Variants in DPP10 observed in about 807,000 individuals in gnomAD.
The protein encoded by DPP10 is inactive dipeptidyl peptidase 10.
Under a neutral mutation model 120.9 loss-of-function variants are expected in DPP10, and 33 were observed. The ratio of observed to expected loss-of-function variants is 0.27; its 90% CI spans 0.21 to 0.37. DPP10 has a LOEUF of 0.37. Among genes scored for constraint, DPP10 ranks in the 10% least tolerant of loss-of-function variants. DPP10 has a pLI of 1.00. For synonymous variants in DPP10, 337 were observed against 326.1 expected, an observed-to-expected ratio of 1.03 and a Z score of -0.36; for missense variants, 816 against 942.8, an observed-to-expected ratio of 0.87 and a Z score of 1.76.
chr2:115,292,316 ACT>A (rs1043282221), intron 1 of DPP10, among the ~76,000 whole-genome samples: 50 of 152,118 alleles, frequency 3.3e-4, no homozygotes, highest in African/African-American at 1.1e-3. Context: ...CATAGTCTAA[ACT>A]CTTTTGATTT....
chr2:115,171,723 AAAAAAC>A (rs1197688843), intron 1 of DPP10, among the ~76,000 whole-genome samples: 3 of 151,882 alleles, frequency 2.0e-5, no homozygotes, highest in African/African-American at 7.3e-5. Context: ...CCTTAAAAAA[AAAAAAC>A]AAAAAAAAAA....
Position 114,780,387 on chromosome 2 carries a change from A to G in DPP10, c.60+337549A>G, listed in dbSNP as rs1682213279. On this transcript the variant is annotated intron_variant, in intron 1 of 25. Transcript: ENST00000410059. ...ATCTTTATATTCTTTGGAAAATCTA[A>G]AAGACTTACAGTTAGTCAAAGTAAG... is the stretch of plus-strand genomic sequence containing the variant. Among the ~76,000 whole-genome samples, 6 of 152,114 alleles carry G rather than the reference A, an allele frequency of 3.9e-5. No individual in the cohort carries two copies. The South Asian group carries it at 1.2e-3, about 32-fold the overall frequency.
intron 1 of DPP10, among the ~76,000 whole-genome samples, chr2:114,610,366 A>G (rs1693185594): frequency 6.6e-6 from 1 of 152,158 alleles, no homozygotes; most frequent in African/African-American, 2.4e-5. Context: ...GGGAACGGAT[A>G]TCCTAATGTG....
intron 9 of DPP10, among the ~76,000 whole-genome samples, chr2:115,744,062 A>G (rs1677636127): frequency 6.6e-6 from 1 of 150,728 alleles, no homozygotes; most frequent in Non-Finnish European, 1.5e-5. Flanking sequence ...ATAAAGGTCA[A>G]TGTTTTATTA....
At chr2:115,791,041 A>T (rs1271946867) in intron 17 of DPP10, 40 bp from the exon 18 acceptor site, 1 of 1,451,874 alleles carries the variant, frequency 6.9e-7, no homozygotes, top group Non-Finnish European at 9.6e-7. Context: ...TGTTTAATGC[A>T]TAGGGGTTAG....
chr2:114,629,553 G>A (rs1368961693), intron 1 of DPP10, among the ~76,000 whole-genome samples: 2 of 152,074 alleles, frequency 1.3e-5, no homozygotes, highest in Admixed American at 1.3e-4. Context: ...TTAATAATAA[G>A]ATAAATATAA....
At chr2:115,158,935 G>T (rs1345428168) in intron 1 of DPP10, among the ~76,000 whole-genome samples, 1 of 151,268 alleles carries the variant, frequency 6.6e-6, no homozygotes, top group Non-Finnish European at 1.5e-5. Flanking sequence ...TGGAAAATAT[G>T]GTGGATGGTA....
At chr2:115,783,792 G>A (rs1486124834) in intron 17 of DPP10, among the ~76,000 whole-genome samples, 1 of 152,144 alleles carries the variant, frequency 6.6e-6, no homozygotes, top group Non-Finnish European at 1.5e-5. Flanking sequence ...AGAACTATCA[G>A]TGTATAAAAT....
intron 1 of DPP10, among the ~76,000 whole-genome samples, chr2:115,051,615 T>C (rs1181921826): frequency 6.6e-6 from 1 of 152,214 alleles, no homozygotes; most frequent in Non-Finnish European, 1.5e-5. Context: ...TTTTAACTCC[T>C]CTATTTTGCT....
At chr2:114,793,031 T>TGTGTGTGTG in intron 1 of DPP10, among the ~76,000 whole-genome samples, 4 of 149,984 alleles carry the variant, frequency 2.7e-5, no homozygotes, top group African/African-American at 9.8e-5. Flanking sequence ...TGTGTGTGTG[T>TGTGTGTGTG]TTCTATTAAT....
At chr2:115,441,150 AT>A (rs1463893358) in intron 3 of DPP10, among the ~76,000 whole-genome samples, 1 of 152,202 alleles carries the variant, frequency 6.6e-6, no homozygotes, top group Non-Finnish European at 1.5e-5. Context: ...ACGTCAGAAG[AT>A]TTTGAGGTTA....
chr2:114,915,415 T>G (rs192965294), intron 1 of DPP10, among the ~76,000 whole-genome samples: 1 of 152,310 alleles, frequency 6.6e-6, no homozygotes, highest in Admixed American at 6.5e-5. Context: ...ACTTCAACAC[T>G]CCACTGACAG....
At chr2:114,933,646 C>T (rs1026750232) in intron 1 of DPP10, among the ~76,000 whole-genome samples, 4 of 152,120 alleles carry the variant, frequency 2.6e-5, no homozygotes, top group East Asian at 1.9e-4. Context: ...AGAAAAGCAA[C>T]AGCAACAATA....
chr2:114,836,748 G>A lies in DPP10; in HGVS notation c.60+393910G>A, dbSNP rs1052560272. Among the ~76,000 whole-genome samples the A allele has an allele frequency of 3.9e-5, 6 of 152,108 alleles. No individual in the cohort carries two copies. In the South Asian group the frequency reaches 1.0e-3, roughly 26 times the overall value. ...TCCTAATAAACCTGTGAGCACTATG[G>A]GAGACTGGGGCTTATTTCATCCCTA... is the stretch of plus-strand genomic sequence containing the variant. On this transcript the variant is annotated intron_variant, in intron 1 of 25. Coordinates refer to ENST00000410059, the MANE Select transcript of DPP10 (RefSeq NM_020868.6).
In DPP10 at chr2:114,689,263, T is replaced by C. The variant is rs559193373; in HGVS notation, c.60+246425T>C. Among the ~76,000 whole-genome samples, 8 of 116,064 alleles carry C rather than the reference T, an allele frequency of 6.9e-5. No homozygotes were observed. In the South Asian group the frequency reaches 2.7e-3, roughly 39 times the overall value. 76.1% of individuals were successfully genotyped at this position (116,064 alleles called of 152,430 possible). On this transcript the variant is annotated intron_variant, in intron 1 of 25. Coordinates refer to ENST00000410059, the MANE Select transcript of DPP10 (RefSeq NM_020868.6). ...CCACCCTGCGACAGACCCCAGAGTG[T>C]GTTATTCCCCCCCAACATTCCATGT...
intron 1 of DPP10, among the ~76,000 whole-genome samples, chr2:115,267,867 T>C (rs1269672175): frequency 6.6e-6 from 1 of 152,220 alleles, no homozygotes; most frequent in Non-Finnish European, 1.5e-5. Context: ...CTCTGTCTTA[T>C]TTAATGGTAA....
intron 1 of DPP10, among the ~76,000 whole-genome samples, chr2:114,840,701 T>C (rs1184554530): frequency 6.6e-6 from 1 of 152,170 alleles, no homozygotes; most frequent in Non-Finnish European, 1.5e-5. Flanking sequence ...CCTCCAACTG[T>C]ATTTGATTCC....
intron 1 of DPP10, among the ~76,000 whole-genome samples, chr2:114,950,286 AC>A (rs1697678000): frequency 7.7e-6 from 1 of 130,060 alleles, no homozygotes; most frequent in Admixed American, 8.0e-5. Context: ...ATGAGACCAC[AC>A]CTTGCTTTTT....
At chr2:115,289,503 A>AAAAAAAAAAAAAT (rs70941042) in intron 1 of DPP10, among the ~76,000 whole-genome samples, 2 of 96,266 alleles carry the variant, frequency 2.1e-5, no homozygotes, top group African/African-American at 4.2e-5. Flanking sequence ...AAAAAAAAAA[A>AAAAAAAAAAAAAT]AGGAAGAAAA....
Sources: gnomAD v4.1 joint callset for allele counts (sites outside exome capture counted in the v4.1 genomes callset) on GRCh38, gnomAD v4.1.1 for gene constraint, MANE v1.5 for transcripts, NCBI Gene and HGNC (gene_info 2026-07-23, HGNC 2026-07-21) for gene names.